CACNA1E: variants seen among roughly 807,000 people sequenced by gnomAD.
The protein encoded by CACNA1E is calcium voltage-gated channel subunit alpha1 E.
In CACNA1E, 40 loss-of-function variants were observed where a neutral mutation model predicts 259.2. The observed-to-expected ratio is 0.15, with a 90% CI of 0.12 to 0.20. The LOEUF (loss-of-function observed/expected upper bound fraction) is 0.20. CACNA1E is among the 10% of genes least tolerant of loss of function. The probability of loss-of-function intolerance (pLI) is 1.00; values close to 1 mark genes in which losing one functional copy is unlikely to be tolerated. For synonymous variants in CACNA1E, 1,104 were observed against 1,138.5 expected, an observed-to-expected ratio of 0.97 and a Z score of 0.61; for missense variants, 1,874 against 3,040.1, an observed-to-expected ratio of 0.62 and a Z score of 9.02.
intron 16 of CACNA1E, among the ~76,000 whole-genome samples, chr1:181,722,156 TG>T (rs1654468218): frequency 6.6e-6 from 1 of 152,174 alleles, no homozygotes; most frequent in Non-Finnish European, 1.5e-5. Flanking sequence ...TACTATGAGC[TG>T]GGGAACATTA....
intron 1 of CACNA1E, among the ~76,000 whole-genome samples, chr1:181,499,578 T>C (rs1241306473): frequency 6.6e-6 from 1 of 152,218 alleles, no homozygotes; most frequent in Non-Finnish European, 1.5e-5. Context: ...GACTCTGGGA[T>C]TCTAGTTTCC....
At position 181,579,061 on chromosome 1, in the gene CACNA1E, C is replaced by T; in HGVS notation, c.617-11C>T. On this transcript the variant is annotated splice_polypyrimidine_tract_variant and intron_variant, in intron 4 of 47. Coordinates refer to ENST00000367573, the MANE Select transcript of CACNA1E (RefSeq NM_001205293.3). The stretch of plus-strand genomic sequence containing the variant: ...ACAGCTGCATTGGTCATTCTCTGTC[C>T]TTCCTTCTAGGCCTGCAGATTGTGT... 6.3e-7 allele frequency: 1 copy of T among 1,596,346 alleles called. No individual in the cohort carries two copies. The highest frequency in any genetic ancestry group is 8.5e-7 in the Non-Finnish European group (1 of 1,172,264).
chr1:181,705,094 C>A (rs1652663295), intron 7 of CACNA1E, among the ~76,000 whole-genome samples: 1 of 152,198 alleles, frequency 6.6e-6, no homozygotes, highest in Admixed American at 6.5e-5. Context: ...GGGCTAAAAC[C>A]AGTTACTTCA....
At chr1:181,765,199 C>T (rs1658918147) in intron 34 of CACNA1E, among the ~76,000 whole-genome samples, 2 of 152,184 alleles carry the variant, frequency 1.3e-5, no homozygotes, top group African/African-American at 4.8e-5. Flanking sequence ...CTGACCCCTA[C>T]TCTAGAGTTC....
At chr1:181,430,096 T>G (rs942732162) in intron 2 of CACNA1E, among the ~76,000 whole-genome samples, 9 of 152,200 alleles carry the variant, frequency 5.9e-5, no homozygotes, top group Admixed American at 2.6e-4. Context: ...CTGGATCAGT[T>G]AGAAGGCAAC....
intron 16 of CACNA1E, among the ~76,000 whole-genome samples, chr1:181,722,933 A>G (rs1445995610): frequency 1.3e-5 from 2 of 152,188 alleles, no homozygotes; most frequent in African/African-American, 2.4e-5. Context: ...ATGTGTCCCA[A>G]TGGCACCATC....
intron 3 of CACNA1E, among the ~76,000 whole-genome samples, chr1:181,563,632 T>TC (rs1291487696): frequency 2.6e-5 from 4 of 152,294 alleles, no homozygotes; most frequent in African/African-American, 9.6e-5. Context: ...TTTTCAGTCT[T>TC]CCAGAAGGGG....
In CACNA1E at chr1:181,732,688, G is replaced by A; in HGVS notation, c.2602G>A (p.Asp868Asn). The A allele has an allele frequency of 2.0e-6, 3 of 1,530,758 alleles. No homozygotes were observed. Among genetic ancestry groups the A allele is most frequent in the Non-Finnish European group, 2.6e-6 (3 of 1,140,904 alleles). 94.8% of individuals were successfully genotyped at this position (1,530,758 alleles called of 1,614,324 possible). Residue 868 changes from aspartate (D) to asparagine (N), a missense_variant, in exon 20 of 48, where the codon GAC (aspartate) becomes AAC (asparagine). Asp to Asn is a conservative substitution (Grantham distance 23). Transcript: ENST00000367573. The surrounding 1 kb of genome is among the most constrained non-coding windows in gnomAD (Gnocchi z 5.5). ...TGGAGGGGACCGATCCAGTGCCCTG[G>A]ACAACCAGAGGACCCCTTTGTCCCT... Reference protein sequence around the residue: ...GDGGDRSSALDNQRTPLSLGQ... With the variant: ...GDGGDRSSALNNQRTPLSLGQ...
At chr1:181,505,148 CCTCACT>C (rs1356746585) in intron 1 of CACNA1E, among the ~76,000 whole-genome samples, 1 of 152,148 alleles carries the variant, frequency 6.6e-6, no homozygotes, top group African/African-American at 2.4e-5. Flanking sequence ...TCGCATTCCT[CCTCACT>C]CTCAGGTTGG....
Position 181,333,170 on chromosome 1 carries a change from T to C in CACNA1E, c.-15+15047T>C, listed in dbSNP as rs1041817260. 3.9e-5 allele frequency among the ~76,000 whole-genome samples: 6 copies of C among 152,172 alleles called. No homozygotes were observed. In the South Asian group the frequency reaches 1.2e-3, roughly 32 times the overall value. ...CAGGCCCACAGGAAGCAATTCACGG[T>C]GAGGCAGTGGAGGGTGGACTACATC... On this transcript the variant is annotated intron_variant, in intron 1 of 11. Coordinates refer to the CACNA1E transcript ENST00000524607.
intron 3 of CACNA1E, among the ~76,000 whole-genome samples, chr1:181,531,553 T>C (rs1420050830): frequency 3.3e-5 from 5 of 152,162 alleles, no homozygotes; most frequent in East Asian, 1.9e-4. Flanking sequence ...AACCTGTCCA[T>C]GGAGCTGGGC....
chr1:181,364,926 T>A (rs1654158071), intron 1 of CACNA1E, among the ~76,000 whole-genome samples: 1 of 152,202 alleles, frequency 6.6e-6, no homozygotes, highest in Non-Finnish European at 1.5e-5. Flanking sequence ...CCAGCAGGGC[T>A]GCTGGGAGAA....
At chr1:181,543,874 C>T (rs1490549915) in intron 3 of CACNA1E, among the ~76,000 whole-genome samples, 1 of 152,172 alleles carries the variant, frequency 6.6e-6, no homozygotes, top group Non-Finnish European at 1.5e-5. Flanking sequence ...AATTTGGATC[C>T]TCACACATTG....
intron 3 of CACNA1E, among the ~76,000 whole-genome samples, chr1:181,535,009 A>G (rs1668064505): frequency 6.6e-6 from 1 of 152,202 alleles, no homozygotes; most frequent in South Asian, 2.1e-4. Flanking sequence ...AGTGAACATA[A>G]CATTAAAAAA....
chr1:181,400,047 T>C (rs1269692974), intron 1 of CACNA1E, among the ~76,000 whole-genome samples: 2 of 152,226 alleles, frequency 1.3e-5, no homozygotes, highest in African/African-American at 4.8e-5. Flanking sequence ...GTGACCCAGA[T>C]AAATAATAGG....
At chr1:181,383,604 C>T (rs1655622106) in intron 1 of CACNA1E, among the ~76,000 whole-genome samples, 1 of 152,208 alleles carries the variant, frequency 6.6e-6, no homozygotes, top group Non-Finnish European at 1.5e-5. Flanking sequence ...AGAGACTCTC[C>T]TTTTAGGATC....
At chr1:181,478,979 G>T (rs936314129), upstream of CACNA1E, among the ~76,000 whole-genome samples, 2 of 152,160 alleles carry the variant, frequency 1.3e-5, no homozygotes, top group African/African-American at 2.4e-5. Flanking sequence ...TGCAGTAGAG[G>T]GGCTGCAGGA....
intron 1 of CACNA1E, among the ~76,000 whole-genome samples, chr1:181,336,958 G>A (rs1439119334): frequency 6.7e-6 from 1 of 148,708 alleles, no homozygotes; most frequent in Non-Finnish European, 1.5e-5. Context: ...ATAATGCAAA[G>A]AAAATTAAAA....
intron 6 of CACNA1E, among the ~76,000 whole-genome samples, chr1:181,641,497 A>G (rs1298633784): frequency 3.4e-5 from 5 of 145,512 alleles, no homozygotes; most frequent in Non-Finnish European, 7.6e-5. Flanking sequence ...TGGCCATCTG[A>G]ATCCACCTTC....
Sources: gnomAD v4.1 joint callset for allele counts (sites outside exome capture counted in the v4.1 genomes callset) on GRCh38, gnomAD v4.1.1 for gene constraint, Gnocchi (gnomAD v3.1) non-coding constraint, MANE v1.5 for transcripts, NCBI Gene and HGNC (gene_info 2026-07-23, HGNC 2026-07-21) for gene names.